The following SLC24A2 variants were observed in gnomAD, a reference collection of about 807,000 sequenced individuals.
SLC24A2 encodes solute carrier family 24 member 2.
SLC24A2 carries 36 observed loss-of-function variants against 62.0 expected under a neutral mutation model. The ratio of observed to expected loss-of-function variants is 0.58; its 90% CI spans 0.44 to 0.77. The LOEUF (loss-of-function observed/expected upper bound fraction) is 0.77, where lower values mean the gene tolerates loss of function less well. Among genes scored for constraint, SLC24A2 ranks in the 30% least tolerant of loss-of-function variants. The pLI is 0.00. For missense variants in SLC24A2, 846 were observed against 817.9 expected, an observed-to-expected ratio of 1.03 and a Z score of -0.42; for synonymous variants, 358 against 294.0, an observed-to-expected ratio of 1.22 and a Z score of -2.23.
At chr9:19,623,886 A>G (rs111545539) in intron 2 of SLC24A2, among the ~76,000 whole-genome samples, 6,366 of 152,262 alleles carry the variant, frequency 0.042, 161 homozygotes, top group Middle Eastern at 0.12. Flanking sequence ...ATTTCTGAGC[A>G]CAGCCTGTGG....
intron 2 of SLC24A2, among the ~76,000 whole-genome samples, chr9:19,702,564 C>T (rs1820387265): frequency 1.3e-5 from 2 of 152,240 alleles, no homozygotes; most frequent in Middle Eastern, 6.8e-3. Flanking sequence ...CTAGGGCTCC[C>T]AGAACTGGTC....
intron 2 of SLC24A2, among the ~76,000 whole-genome samples, chr9:19,627,507 G>C (rs1344148963): frequency 1.3e-5 from 2 of 152,096 alleles, no homozygotes; most frequent in African/African-American, 4.8e-5. Flanking sequence ...ATTGTAATCA[G>C]AGTCTCCAAA....
chr9:19,770,204 T>C (rs1822642982), intron 2 of SLC24A2, among the ~76,000 whole-genome samples: 1 of 151,922 alleles, frequency 6.6e-6, no homozygotes, highest in South Asian at 2.1e-4. Flanking sequence ...ACTAAGTGCC[T>C]GGAATTTAGA....
At chr9:20,295,008 ATCTG>A in the SLC24A2 span, among the ~76,000 whole-genome samples, 1 of 151,384 alleles carries the variant, frequency 6.6e-6, no homozygotes, top group Non-Finnish European at 1.5e-5. Flanking sequence ...CACAAAACAT[ATCTG>A]TATCTGTGCA....
the SLC24A2 span, among the ~76,000 whole-genome samples, chr9:19,901,207 T>C: frequency 1.6e-4 from 25 of 152,258 alleles, no homozygotes; most frequent in African/African-American, 5.5e-4. Context: ...TGATTCACTA[T>C]GAAAGATGTG....
chr9:19,876,601 G>A, the SLC24A2 span, among the ~76,000 whole-genome samples: 1 of 152,142 alleles, frequency 6.6e-6, no homozygotes, highest in African/African-American at 2.4e-5. Flanking sequence ...AATTTATAGT[G>A]AGGATCATTG....
the SLC24A2 span, among the ~76,000 whole-genome samples, chr9:19,794,691 A>T: frequency 6.6e-6 from 1 of 151,834 alleles, no homozygotes; most frequent in Admixed American, 6.6e-5. Flanking sequence ...CTTGGCTACT[A>T]TTCCTACCGA....
intron 2 of SLC24A2, among the ~76,000 whole-genome samples, chr9:19,709,499 C>A (rs1383677672): frequency 1.3e-5 from 2 of 151,934 alleles, no homozygotes; most frequent in South Asian, 2.1e-4. Context: ...AGACTTGGAA[C>A]CAACCCAAAT....
intron 2 of SLC24A2, among the ~76,000 whole-genome samples, chr9:19,684,770 A>T (rs1819830403): frequency 6.6e-6 from 1 of 151,976 alleles, no homozygotes; most frequent in African/African-American, 2.4e-5. Context: ...TGGTTGGGTT[A>T]ACAAATTCAC....
chr9:20,290,590 T>C, the SLC24A2 span, among the ~76,000 whole-genome samples: 1 of 152,210 alleles, frequency 6.6e-6, no homozygotes. Context: ...AATGAGTCTC[T>C]TGGATCCTAA....
At chr9:19,953,206 C>A in the SLC24A2 span, among the ~76,000 whole-genome samples, 2 of 151,868 alleles carry the variant, frequency 1.3e-5, no homozygotes, top group Non-Finnish European at 2.9e-5. Flanking sequence ...TTGATTTTTC[C>A]CAAAGAATAT....
the SLC24A2 span, among the ~76,000 whole-genome samples, chr9:19,813,377 C>T: frequency 8.0e-6 from 1 of 124,808 alleles, no homozygotes; most frequent in African/African-American, 3.2e-5. Flanking sequence ...GGCTGGAATG[C>T]GGTGGCACGA....
chr9:20,234,278 T>G, the SLC24A2 span, among the ~76,000 whole-genome samples: 1 of 152,230 alleles, frequency 6.6e-6, no homozygotes, highest in Non-Finnish European at 1.5e-5. Context: ...TGGCCTGCCT[T>G]GCTAGATTGG....
At chr9:19,622,415 G>T in intron 2 of SLC24A2, 116 bp from the exon 3 acceptor site, 1 of 1,100,454 alleles carries the variant, frequency 9.1e-7, no homozygotes, top group Non-Finnish European at 1.3e-6. Flanking sequence ...CATTCTTTCT[G>T]CTCCTGGGAT....
chr9:19,567,090 C>T (rs1367303530), intron 7 of SLC24A2, among the ~76,000 whole-genome samples: 1 of 150,124 alleles, frequency 6.7e-6, no homozygotes, highest in Non-Finnish European at 1.5e-5. Flanking sequence ...CACATGTACC[C>T]TAGAACTTAA....
At chr9:20,203,196 C>A in the SLC24A2 span, among the ~76,000 whole-genome samples, 1 of 151,748 alleles carries the variant, frequency 6.6e-6, no homozygotes, top group East Asian at 1.9e-4. Flanking sequence ...AAGCTGTGAA[C>A]AGGGCAAGAG....
chr9:20,268,451 G>C, the SLC24A2 span, among the ~76,000 whole-genome samples: 1 of 152,088 alleles, frequency 6.6e-6, no homozygotes, highest in Non-Finnish European at 1.5e-5. Flanking sequence ...ATGAATTAAT[G>C]GGTTAATGGA....
At chr9:20,138,002 C>T in the SLC24A2 span, among the ~76,000 whole-genome samples, 1 of 152,166 alleles carries the variant, frequency 6.6e-6, no homozygotes, top group African/African-American at 2.4e-5. Context: ...TGAGAAGGAA[C>T]ATTATTCCAT....
At chr9:19,925,734 T>C in the SLC24A2 span, among the ~76,000 whole-genome samples, 191 of 152,326 alleles carry the variant, frequency 1.3e-3, 2 homozygotes, top group African/African-American at 4.4e-3. Context: ...AGGGATCTGA[T>C]GTGACAGGGT....
Sources: allele counts gnomAD v4.1 joint callset (sites outside exome capture counted in the v4.1 genomes callset), GRCh38; gene constraint gnomAD v4.1.1; transcripts MANE v1.5; gene names NCBI Gene and HGNC (gene_info 2026-07-23, HGNC 2026-07-21).